RANBP2: variants seen among roughly 807,000 people sequenced by gnomAD.
RANBP2 encodes the protein E3 SUMO-protein ligase RanBP2.
A neutral mutation model predicts 303.6 loss-of-function variants in RANBP2; 57 were observed. The ratio of observed to expected loss-of-function variants is 0.19; its 90% CI spans 0.15 to 0.23. The LOEUF (loss-of-function observed/expected upper bound fraction) is 0.23, where lower values mean the gene tolerates loss of function less well. RANBP2 is among the 10% of genes least tolerant of loss of function. The pLI, the probability that RANBP2 is intolerant of heterozygous loss-of-function variation, is 1.00. For synonymous variants in RANBP2, 1,167 were observed against 1,301.5 expected (o/e 0.90, Z 2.23); for missense variants, 3,138 against 3,780.8 (o/e 0.83, Z 4.46).
chr2:109,669,425 C>G, the RANBP2 span, among the ~76,000 whole-genome samples: 2 of 152,174 alleles, frequency 1.3e-5, no homozygotes, highest in African/African-American at 2.4e-5. Flanking sequence ...CTCCCCACCC[C>G]TGAAGGGATT....
At chr2:109,533,727 C>T in the RANBP2 span, among the ~76,000 whole-genome samples, 3 of 152,236 alleles carry the variant, frequency 2.0e-5, no homozygotes, top group African/African-American at 7.2e-5. Flanking sequence ...AGCGTAATTT[C>T]TAACAGAAAA....
chr2:109,196,611 T>C, the RANBP2 span, among the ~76,000 whole-genome samples: 1 of 152,118 alleles, frequency 6.6e-6, no homozygotes, highest in African/African-American at 2.4e-5. Context: ...GCCTTGAAAC[T>C]CCGAGTGCTG....
chr2:109,529,235 T>C, the RANBP2 span, among the ~76,000 whole-genome samples: 1 of 152,024 alleles, frequency 6.6e-6, no homozygotes. Context: ...AGTCTGGTCT[T>C]GGGCCTCTGA....
At chr2:109,419,532 T>A in the RANBP2 span, 5 of 1,587,550 alleles carry the variant, frequency 3.1e-6, no homozygotes, top group Admixed American at 8.9e-5. Flanking sequence ...CTCTTGTCTG[T>A]TTCCAGGATG....
the RANBP2 span, among the ~76,000 whole-genome samples, chr2:108,984,572 C>T: frequency 6.6e-6 from 1 of 152,272 alleles, no homozygotes; most frequent in East Asian, 1.9e-4. Flanking sequence ...TCCTTTCTTG[C>T]GGGTGTCCTG....
chr2:109,203,676 G>A, the RANBP2 span, among the ~76,000 whole-genome samples: 1 of 152,096 alleles, frequency 6.6e-6, no homozygotes, highest in African/African-American at 2.4e-5. Context: ...CTGTGTCTCT[G>A]TGCACCCTGC....
the RANBP2 span, among the ~76,000 whole-genome samples, chr2:109,130,468 C>T: frequency 1.3e-5 from 2 of 152,240 alleles, no homozygotes; most frequent in African/African-American, 4.8e-5. Context: ...GACACTCCCT[C>T]TGCACACCCT....
the RANBP2 span, chr2:109,544,219 CAAAT>C: frequency 1.7e-5 from 27 of 1,609,944 alleles, no homozygotes; most frequent in Admixed American, 1.0e-4. Flanking sequence ...AGTGATAAAA[CAAAT>C]AACAGCAAAA....
chr2:109,718,033 T>C, the RANBP2 span, among the ~76,000 whole-genome samples: 1 of 152,134 alleles, frequency 6.6e-6, no homozygotes, highest in Non-Finnish European at 1.5e-5. Flanking sequence ...ACTGCAAAAC[T>C]GACAGAAATT....
At chr2:109,777,312 T>C in the RANBP2 span, among the ~76,000 whole-genome samples, 7 of 148,526 alleles carry the variant, frequency 4.7e-5, 1 homozygote, top group African/African-American at 1.7e-4. Context: ...ATATGGGTTT[T>C]AATCTATTAA....
the RANBP2 span, among the ~76,000 whole-genome samples, chr2:109,049,892 A>G: frequency 4.6e-4 from 70 of 152,316 alleles, no homozygotes; most frequent in East Asian, 0.013. Flanking sequence ...AATCAAGACC[A>G]TAGGGCTGAC....
the RANBP2 span, among the ~76,000 whole-genome samples, chr2:109,706,836 G>T: frequency 6.6e-6 from 1 of 152,188 alleles, no homozygotes; most frequent in Non-Finnish European, 1.5e-5. Context: ...CAAAGATGGG[G>T]TGCCCAGCGG....
chr2:109,280,327 G>T, the RANBP2 span, among the ~76,000 whole-genome samples: 1 of 152,194 alleles, frequency 6.6e-6, no homozygotes, highest in African/African-American at 2.4e-5. Context: ...GCCCAGAGAG[G>T]GGGCCCCACA....
chr2:109,396,399 T>G, the RANBP2 span, among the ~76,000 whole-genome samples: 1 of 152,146 alleles, frequency 6.6e-6, no homozygotes, highest in African/African-American at 2.4e-5. Flanking sequence ...AAGGCAGATA[T>G]TCGTAGTGGA....
At chr2:109,531,084 A>G in the RANBP2 span, among the ~76,000 whole-genome samples, 16 of 152,274 alleles carry the variant, frequency 1.1e-4, no homozygotes, top group African/African-American at 3.8e-4. Context: ...CCCATCTAGC[A>G]GGGAGGTGTG....
At chr2:109,377,308 G>A in the RANBP2 span, among the ~76,000 whole-genome samples, 2 of 152,180 alleles carry the variant, frequency 1.3e-5, no homozygotes, top group Non-Finnish European at 2.9e-5. Context: ...CACGTGGTGA[G>A]CAATGGGTCA....
chr2:109,079,969 C>T, the RANBP2 span, among the ~76,000 whole-genome samples: 727 of 152,282 alleles, frequency 4.8e-3, 4 homozygotes, highest in Middle Eastern at 0.01. Flanking sequence ...GGCATGAGGA[C>T]GCATTTCTGG....
downstream of RANBP2, among the ~76,000 whole-genome samples, chr2:108,789,702 G>T (rs562229215): frequency 2.6e-5 from 4 of 152,310 alleles, no homozygotes; most frequent in South Asian, 6.2e-4. Context: ...TTAGGTGATT[G>T]AGAGAGATTG....
At chr2:109,194,580 G>A in the RANBP2 span, among the ~76,000 whole-genome samples, 1 of 152,224 alleles carries the variant, frequency 6.6e-6, no homozygotes, top group Non-Finnish European at 1.5e-5. Flanking sequence ...CCCGGCGGGC[G>A]GGCTGGGTAG....
Sources: allele counts gnomAD v4.1 joint callset (sites outside exome capture counted in the v4.1 genomes callset), GRCh38; gene constraint gnomAD v4.1.1; transcripts MANE v1.5; gene names NCBI Gene and HGNC (gene_info 2026-07-23, HGNC 2026-07-21).